DPY19L4: variants seen among roughly 807,000 people sequenced by gnomAD.
DPY19L4 encodes the protein probable C-mannosyltransferase DPY19L4.
Under a neutral mutation model 102.8 loss-of-function variants are expected in DPY19L4, and 97 were observed. That is an observed-to-expected ratio of 0.94 (90% CI 0.80 to 1.12). DPY19L4 has a LOEUF of 1.12. Among genes scored for constraint, DPY19L4 ranks in the 50% most tolerant of loss-of-function variants. DPY19L4 has a pLI of 0.00. For missense variants in DPY19L4, 815 were observed against 850.4 expected, an observed-to-expected ratio of 0.96 and a Z score of 0.52; for synonymous variants, 252 against 283.1, an observed-to-expected ratio of 0.89 and a Z score of 1.10.
chr8:94,788,997 T>C (rs188885268), intron 18 of DPY19L4, among the ~76,000 whole-genome samples: 2 of 152,370 alleles, frequency 1.3e-5, no homozygotes, highest in Admixed American at 6.5e-5. Flanking sequence ...TGAATTTCTC[T>C]GTTGGTACTT....
chr8:94,726,458 T>TG lies in DPY19L4; in HGVS notation c.127+19dup. ...CTCCAAAACGTAAGTTAGATAGACT[T>TG]GGAATTTGTGCTACTACAAAAATAG... is the stretch of plus-strand genomic sequence containing the variant. On this transcript the variant is annotated intron_variant, in intron 2 of 18. Coordinates refer to ENST00000414645, the MANE Select transcript of DPY19L4 (RefSeq NM_181787.3). 3 of 1,569,850 alleles carry TG rather than the reference T, an allele frequency of 1.9e-6. No homozygotes were observed.
chr8:94,757,416 CT>C (rs1330422285), intron 7 of DPY19L4, among the ~76,000 whole-genome samples: 5 of 148,388 alleles, frequency 3.4e-5, no homozygotes, highest in Non-Finnish European at 6.0e-5. Flanking sequence ...AGTATATTTT[CT>C]TTTTTTTTTA....
intron 17 of DPY19L4, among the ~76,000 whole-genome samples, 170 bp downstream of exon 17, chr8:94,783,972 A>G (rs1813545758): frequency 1.3e-5 from 2 of 152,370 alleles, no homozygotes; most frequent in South Asian, 4.1e-4. Flanking sequence ...CAGTTAACCA[A>G]GAGGAGACCC....
chr8:94,791,625 C>A lies in DPY19L4; in HGVS notation c.*1715C>A, dbSNP rs1183844336. ...GTACTTGTGATTAGAGCATGTAAAA[C>A]AATGTAATTGAAAAGTCAGCTTCCA... is the stretch of plus-strand genomic sequence containing the variant. On this transcript the variant is annotated 3_prime_UTR_variant, in exon 19 of 19. Transcript: ENST00000414645. 6.6e-6 allele frequency: 1 copy of A among 151,866 alleles called. No homozygotes were observed. The highest frequency in any genetic ancestry group is 1.5e-5 in the Non-Finnish European group (1 of 67,972). The allele number at this position is 151,866 out of a possible 1,614,324, so 9.4% of individuals were successfully genotyped here. A position where few individuals can be genotyped will look rare whatever the true frequency, so the allele number is the denominator to read the frequency against.
chr8:94,721,829 C>G (rs1054763102), intron 1 of DPY19L4, among the ~76,000 whole-genome samples: 1 of 152,142 alleles, frequency 6.6e-6, no homozygotes, highest in African/African-American at 2.4e-5. Flanking sequence ...GATAAATGGG[C>G]GGGGCATGAT....
intron 8 of DPY19L4, among the ~76,000 whole-genome samples, chr8:94,762,941 C>G (rs1812457033): frequency 6.7e-6 from 1 of 149,318 alleles, no homozygotes; most frequent in Non-Finnish European, 1.5e-5. Context: ...TGACTTGTAA[C>G]AGTGAGGTCT....
rs1813924248 is a variant in DPY19L4 at position 94,792,846 on chromosome 8, C to T, written c.*2936C>T. 7.0e-6 allele frequency: 1 copy of T among 143,708 alleles called. No homozygotes were observed. Among genetic ancestry groups the T allele is most frequent in the Non-Finnish European group, 1.6e-5 (1 of 62,472 alleles). The allele number at this position is 143,708 out of a possible 1,614,324, so 8.9% of individuals were successfully genotyped here. A position where few individuals can be genotyped will look rare whatever the true frequency, so the allele number is the denominator to read the frequency against. On this transcript the variant is annotated 3_prime_UTR_variant, in exon 19 of 19. Coordinates refer to ENST00000414645, the MANE Select transcript of DPY19L4 (RefSeq NM_181787.3). ...CTCCAGCCTGGGCAACAGAGCAAGA[C>T]TCCATCTCAAAAAGAAAAAAAAAGT...
At chr8:94,761,406 A>T (rs1185557431) in intron 7 of DPY19L4, among the ~76,000 whole-genome samples, 1 of 152,174 alleles carries the variant, frequency 6.6e-6, no homozygotes, top group African/African-American at 2.4e-5. Flanking sequence ...TTCTTTTGGG[A>T]TGAAAGAAAA....
At chr8:94,770,241 A>G (rs145946784) in intron 12 of DPY19L4, among the ~76,000 whole-genome samples, 2,195 of 152,264 alleles carry the variant, frequency 0.014, 40 homozygotes, top group South Asian at 0.071. Flanking sequence ...TGTTGTCTTC[A>G]GGTTCTAAAA....
chr8:94,764,520 C>T (rs1812543269), intron 8 of DPY19L4, among the ~76,000 whole-genome samples: 1 of 144,072 alleles, frequency 6.9e-6, no homozygotes, highest in African/African-American at 2.6e-5. Context: ...AGCTTGCAGT[C>T]AGCCGAGATC....
At chr8:94,720,139 G>A in intron 1 of DPY19L4, 125 bp downstream of exon 1, 1 of 1,383,234 alleles carries the variant, frequency 7.2e-7, no homozygotes, top group Non-Finnish European at 9.4e-7. Flanking sequence ...GCGCGGGCAG[G>A]GCGGGAAGGA....
rs539672201 is a variant in DPY19L4 at position 94,735,662 on chromosome 8, A to G, written c.252+908A>G. Among the ~76,000 whole-genome samples, 22 of 152,350 alleles carry G rather than the reference A, an allele frequency of 1.4e-4. No individual in the cohort carries two copies. The South Asian group carries it at 4.6e-3, about 32-fold the overall frequency. ...TGTATAGGCAGAACTGAGAATAACC[A>G]AAGCTTTGAAAATTAGAAGGCCTTC... On this transcript the variant is annotated intron_variant, in intron 3 of 18. Coordinates refer to ENST00000414645, the MANE Select transcript of DPY19L4 (RefSeq NM_181787.3).
chr8:94,749,438 T>C (rs1454404730), intron 6 of DPY19L4, among the ~76,000 whole-genome samples: 1 of 152,212 alleles, frequency 6.6e-6, no homozygotes, highest in Admixed American at 6.5e-5. Context: ...GAGAGCACAC[T>C]GAACAAAGGA....
intron 13 of DPY19L4, among the ~76,000 whole-genome samples, chr8:94,774,791 G>A (rs1813097317): frequency 6.6e-6 from 1 of 151,960 alleles, no homozygotes; most frequent in East Asian, 1.9e-4. Context: ...TGGTCAGGCT[G>A]GACTCAAACT....
chr8:94,750,077 T>C (rs1180633139), intron 6 of DPY19L4, among the ~76,000 whole-genome samples: 1 of 152,162 alleles, frequency 6.6e-6, no homozygotes, highest in East Asian at 1.9e-4. Flanking sequence ...TGCCTCAGCC[T>C]CTTGAGTAGC....
At chr8:94,783,932 C>A in intron 17 of DPY19L4, 130 bp downstream of exon 17, 1 of 1,067,846 alleles carries the variant, frequency 9.4e-7, no homozygotes, top group Non-Finnish European at 1.3e-6. Context: ...AATTAACTTC[C>A]ATTTTAAAAA....
intron 6 of DPY19L4, 151 bp from the exon 7 acceptor site, chr8:94,755,884 CA>C (rs909300460): frequency 0.063 from 37,127 of 589,054 alleles, no homozygotes; most frequent in South Asian, 0.1. Flanking sequence ...GACTCCATCT[CA>C]AAAAAAAAAA....
intron 13 of DPY19L4, 23 bp downstream of exon 13, chr8:94,770,594 C>T (rs1295471997): frequency 6.2e-7 from 1 of 1,610,982 alleles, no homozygotes; most frequent in South Asian, 1.1e-5. Flanking sequence ...TATTTGATCC[C>T]TTTGTTTTAA....
intron 13 of DPY19L4, among the ~76,000 whole-genome samples, chr8:94,775,603 AG>A (rs1200887095): frequency 6.6e-6 from 1 of 152,244 alleles, no homozygotes; most frequent in Non-Finnish European, 1.5e-5. Flanking sequence ...TTGGGATGAC[AG>A]GCATGTGCCA....
Sources: gnomAD v4.1 joint callset for allele counts (sites outside exome capture counted in the v4.1 genomes callset) on GRCh38, gnomAD v4.1.1 for gene constraint, MANE v1.5 for transcripts, NCBI Gene and HGNC (gene_info 2026-07-23, HGNC 2026-07-21) for gene names.